Variants in TARS3 observed in about 807,000 individuals in gnomAD.
TARS3 encodes threonine--tRNA ligase 2, cytoplasmic.
A neutral mutation model predicts 103.5 loss-of-function variants in TARS3; 94 were observed. That is an observed-to-expected ratio of 0.91 (90% CI 0.77 to 1.08). The LOEUF (loss-of-function observed/expected upper bound fraction) is 1.08, where lower values mean the gene tolerates loss of function less well. TARS3 is among the 50% of genes least tolerant of loss of function. The pLI is 0.00. For synonymous variants in TARS3, 416 were observed against 355.4 expected (o/e 1.17, Z -1.92); for missense variants, 952 against 995.2 (o/e 0.96, Z 0.58).
intron 7 of TARS3, among the ~76,000 whole-genome samples, chr15:101,704,802 CA>C (rs1379597742): frequency 6.6e-6 from 1 of 151,726 alleles, no homozygotes; most frequent in African/African-American, 2.4e-5. Context: ...AGAGCTCAAG[CA>C]TTAGAAGCCA....
chr15:101,670,363 T>C (rs1897747729), intron 15 of TARS3, among the ~76,000 whole-genome samples: 1 of 152,114 alleles, frequency 6.6e-6, no homozygotes. Context: ...CAAAAAGACT[T>C]TGGCAGACTT....
chr15:101,661,152 A>AAGATGCACCACTCAAAAAGGACCACG (rs1897361747), intron 16 of TARS3, among the ~76,000 whole-genome samples: 1 of 152,152 alleles, frequency 6.6e-6, no homozygotes, highest in Admixed American at 6.5e-5. Flanking sequence ...AAAAGACCAC[A>AAGATGCACCACTCAAAAAGGACCACG]AGATGCACCA....
intron 10 of TARS3, among the ~76,000 whole-genome samples, chr15:101,694,930 G>T (rs1898895060): frequency 1.3e-5 from 2 of 152,196 alleles, no homozygotes; most frequent in South Asian, 4.1e-4. Context: ...TGGGTACAGA[G>T]ATTAAGTGTA....
At chr15:101,724,007 C>G in intron 1 of TARS3, 84 bp downstream of exon 1, 1 of 1,244,194 alleles carries the variant, frequency 8.0e-7, no homozygotes, top group Non-Finnish European at 1.0e-6. Context: ...CCCGCACCTG[C>G]CCCCGCAGTT....
chr15:101,712,422 G>T (rs985000735), intron 4 of TARS3, among the ~76,000 whole-genome samples: 1 of 152,196 alleles, frequency 6.6e-6, no homozygotes, highest in Non-Finnish European at 1.5e-5. Flanking sequence ...CCCTCTCTGA[G>T]CTGGACACAG....
intron 3 of TARS3, among the ~76,000 whole-genome samples, chr15:101,718,237 G>A (rs781274867): frequency 1.3e-5 from 2 of 152,014 alleles, no homozygotes; most frequent in Non-Finnish European, 2.9e-5. Context: ...GTGTGGTGGC[G>A]CATGCCTGTA....
intron 12 of TARS3, among the ~76,000 whole-genome samples, chr15:101,676,619 C>G (rs957806310): frequency 6.6e-6 from 1 of 152,008 alleles, no homozygotes; most frequent in Non-Finnish European, 1.5e-5. Flanking sequence ...ATGCCTCAGG[C>G]TCCCGAGTAG....
intron 4 of TARS3, chr15:101,714,538 T>G (rs931179532): frequency 5.5e-5 from 8 of 146,788 alleles, no homozygotes; most frequent in African/African-American, 2.2e-4. Context: ...CAGGGGAGGT[T>G]GAGGCTGCAG....
intron 10 of TARS3, among the ~76,000 whole-genome samples, chr15:101,694,254 G>A (rs1163791993): frequency 1.3e-5 from 2 of 152,200 alleles, no homozygotes; most frequent in Non-Finnish European, 2.9e-5. Context: ...ATTTCCCTCA[G>A]TGGGAGCAGT....
chr15:101,708,087 G>T (rs772253847), intron 6 of TARS3, among the ~76,000 whole-genome samples: 3 of 151,502 alleles, frequency 2.0e-5, no homozygotes, highest in African/African-American at 7.3e-5. Flanking sequence ...CTACTAAAAG[G>T]ATAGAAAAAT....
chr15:101,719,012 G>A (rs1900310805), intron 3 of TARS3, among the ~76,000 whole-genome samples: 3 of 152,194 alleles, frequency 2.0e-5, no homozygotes, highest in Non-Finnish European at 4.4e-5. Context: ...TGACAAGTGA[G>A]GGTAATGGAC....
At chr15:101,656,309 A>G (rs1439794748) in intron 18 of TARS3, among the ~76,000 whole-genome samples, 3 of 152,242 alleles carry the variant, frequency 2.0e-5, no homozygotes, top group Non-Finnish European at 4.4e-5. Flanking sequence ...AACACTGTCA[A>G]TAGAACAATG....
In TARS3 at chr15:101,708,860, A is replaced by G. The variant is rs1409954490; in HGVS notation, c.863T>C (p.Ile288Thr). 1.4e-5 allele frequency: 22 copies of G among 1,612,948 alleles called. No homozygotes were observed. Among genetic ancestry groups the G allele is most frequent in the Non-Finnish European group, 1.8e-5 (21 of 1,179,664 alleles). ...TTCAAAAGGTTGCTTTTCTTTTATG[A>G]TGGCTTTACATATATTCTCCAGGGC... Reference protein sequence around the residue: ...LSALENICKAIIKEKQPFERL... With the variant: ...LSALENICKATIKEKQPFERL... Residue 288 changes from isoleucine to threonine, a missense_variant, in exon 6 of 19, where the codon ATC (isoleucine) becomes ACC (threonine). Physicochemically the swap from Ile to Thr is moderately conservative, Grantham distance 89 (BLOSUM62 -1). Coordinates refer to ENST00000335968, the MANE Select transcript of TARS3 (RefSeq NM_152334.3).
chr15:101,711,614 T>C (rs762777019), intron 5 of TARS3, among the ~76,000 whole-genome samples: 5 of 152,234 alleles, frequency 3.3e-5, no homozygotes, highest in Non-Finnish European at 7.3e-5. Context: ...ATTTCAAGAA[T>C]ACAGTATATG....
At chr15:101,701,755 A>G (rs1899292002) in intron 9 of TARS3, among the ~76,000 whole-genome samples, 1 of 152,196 alleles carries the variant, frequency 6.6e-6, no homozygotes, top group South Asian at 2.1e-4. Context: ...AGGATGCTAT[A>G]AAGTGCACAG....
chr15:101,657,818 A>C lies in TARS3; in HGVS notation c.2112T>G (p.Pro704=), dbSNP rs769317931. 7 of 1,609,902 alleles carry C rather than the reference A, an allele frequency of 4.3e-6. No homozygotes were observed. In the South Asian group the frequency reaches 7.8e-5, roughly 18 times the overall value. The change falls in exon 17 of 19, where the codon CCT becomes CCG. Residue 704 remains proline, a synonymous_variant. Transcript: ENST00000335968. ...WLSPRQVMVI[P]VGPTCEKYAL... is the part of the protein sequence containing the mutation. ...CATATTTTTCACAAGTTGGCCCCACAGGGATGACCATCACCTGACGAGGAG... is the reference window on the plus strand; with the variant it reads ...CATATTTTTCACAAGTTGGCCCCACCGGGATGACCATCACCTGACGAGGAG...
At chr15:101,655,414 C>T (rs565427492) in intron 18 of TARS3, among the ~76,000 whole-genome samples, 21 of 124,436 alleles carry the variant, frequency 1.7e-4, no homozygotes, top group East Asian at 5.3e-4. Flanking sequence ...GGCACTAGGG[C>T]GCAAATGAGA....
chr15:101,670,087 T>G (rs548623858), intron 15 of TARS3, among the ~76,000 whole-genome samples: 1 of 152,300 alleles, frequency 6.6e-6, no homozygotes, highest in South Asian at 2.1e-4. Flanking sequence ...GAAGAAAATC[T>G]TCATGGCCTG....
At chr15:101,701,056 T>C in intron 10 of TARS3, 30 bp downstream of exon 10, 1 of 1,369,104 alleles carries the variant, frequency 7.3e-7, no homozygotes, top group South Asian at 1.4e-5. Context: ...TGGAATTGAA[T>C]AAGAATAAAA....
Sources: allele counts gnomAD v4.1 joint callset (sites outside exome capture counted in the v4.1 genomes callset), GRCh38; gene constraint gnomAD v4.1.1; transcripts MANE v1.5; gene names NCBI Gene and HGNC (gene_info 2026-07-23, HGNC 2026-07-21).